The following SRP19 variants were observed in gnomAD, a reference collection of about 807,000 sequenced individuals.
The protein encoded by SRP19 is signal recognition particle 19 kDa protein.
A neutral mutation model predicts 22.4 loss-of-function variants in SRP19; 11 were observed. The observed-to-expected ratio is 0.49, with a 90% CI of 0.31 to 0.81. The LOEUF is 0.81. Ranked by LOEUF, SRP19 falls within the 40% of genes least tolerant of loss-of-function variation. The pLI is 0.05. For missense variants in SRP19, 168 were observed against 175.9 expected (o/e 0.96, Z 0.25); for synonymous variants, 61 against 57.6 (o/e 1.06, Z -0.27).
chr5:112,880,412 C>T lies in SRP19; in HGVS notation c.302-11191C>T, dbSNP rs139150470. 7.2e-3 allele frequency among the ~76,000 whole-genome samples: 1,091 copies of T among 152,272 alleles called. 3 individuals are homozygous for T. The highest frequency in any genetic ancestry group is 0.011 in the Non-Finnish European group (736 of 68,018). ...CTCCAGGGCCCACTGTGAGATTTTACAATCTGCAGCTGTTCTTGATGGAGC... is the reference window on the plus strand; with the variant it reads ...CTCCAGGGCCCACTGTGAGATTTTATAATCTGCAGCTGTTCTTGATGGAGC... On this transcript the variant is annotated intron_variant, in intron 4 of 4. Coordinates refer to the SRP19 transcript ENST00000391338.
At chr5:112,880,348 C>A (rs1173911770) in intron 4 of SRP19, among the ~76,000 whole-genome samples, 1 of 152,188 alleles carries the variant, frequency 6.6e-6, no homozygotes, top group Non-Finnish European at 1.5e-5. Flanking sequence ...AGAACCAGTA[C>A]AGTGTGTAAG....
exon 5 of SRP19, chr5:112,891,795 G>A (rs1768461923): frequency 6.2e-7 from 1 of 1,608,538 alleles, no homozygotes; most frequent in Non-Finnish European, 8.5e-7. Flanking sequence ...CACAGGAGGA[G>A]GAAGAGGACA....
At chr5:112,871,132 C>G (rs1468697923), downstream of SRP19, among the ~76,000 whole-genome samples, 1 of 152,064 alleles carries the variant, frequency 6.6e-6, no homozygotes, top group Non-Finnish European at 1.5e-5. Flanking sequence ...TTTTAAGATA[C>G]CCAGTCTGTG....
chr5:112,882,890 G>C lies in SRP19; in HGVS notation c.302-8713G>C, dbSNP rs545405810. 3.9e-5 allele frequency among the ~76,000 whole-genome samples: 6 copies of C among 152,244 alleles called. No individual in the cohort carries two copies. The East Asian group carries it at 1.2e-3, about 29-fold the overall frequency. The stretch of plus-strand genomic sequence containing the variant: ...TTTACTGAGAAATATGAAACAATTA[G>C]AAAGTCACTTCTGTAGGCTCCCATA... On this transcript the variant is annotated intron_variant, in intron 4 of 4. Coordinates refer to the SRP19 transcript ENST00000391338.
downstream of SRP19, among the ~76,000 whole-genome samples, chr5:112,870,910 C>T (rs1364007477): frequency 1.3e-5 from 2 of 152,136 alleles, no homozygotes; most frequent in Non-Finnish European, 2.9e-5. Context: ...TGGTGTGCAG[C>T]GGTGCGATCT....
chr5:112,884,786 C>G (rs533369725), intron 4 of SRP19, among the ~76,000 whole-genome samples: 71 of 151,772 alleles, frequency 4.7e-4, no homozygotes, highest in African/African-American at 1.6e-3. Context: ...TTGGCCCCCC[C>G]CCATCTTTCT....
intron 4 of SRP19, among the ~76,000 whole-genome samples, chr5:112,875,847 C>T (rs946497312): frequency 6.6e-6 from 1 of 151,686 alleles, no homozygotes; most frequent in Non-Finnish European, 1.5e-5. Context: ...GAGATCGAGA[C>T]CATCCTGGCT....
chr5:112,893,094 T>TAAAAAAAAGAAAAAAAA (rs1768546283), downstream of SRP19: 1 of 457,294 alleles, frequency 2.2e-6, no homozygotes, highest in Non-Finnish European at 3.4e-6. Context: ...GTTTTGTTCT[T>TAAAAAAAAGAAAAAAAA]AAAAAAAAAA....
intron 4 of SRP19, among the ~76,000 whole-genome samples, chr5:112,883,030 G>A (rs1194815430): frequency 6.6e-6 from 1 of 152,170 alleles, no homozygotes; most frequent in Admixed American, 6.5e-5. Context: ...GTCAAGGACA[G>A]AGCTCCAACA....
intron 1 of SRP19, chr5:112,862,287 AAAG>A: frequency 1.7e-6 from 1 of 589,988 alleles, no homozygotes; most frequent in Non-Finnish European, 3.0e-6. Flanking sequence ...GATCAATCAG[AAAG>A]AGGAGTAGGC....
At chr5:112,887,047 G>T in intron 4 of SRP19, 1 of 1,612,686 alleles carries the variant, frequency 6.2e-7, no homozygotes, top group Non-Finnish European at 8.5e-7. Context: ...AGTCTCTTTG[G>T]CCTTGTCTTT....
chr5:112,873,011 T>C (rs1016602473), downstream of SRP19, among the ~76,000 whole-genome samples: 4 of 152,068 alleles, frequency 2.6e-5, no homozygotes, highest in Non-Finnish European at 5.9e-5. Context: ...TGAAGGGAAG[T>C]TGTAGCCATT....
At chr5:112,891,889 G>T in exon 5 of SRP19, 2 of 1,372,122 alleles carry the variant, frequency 1.5e-6, no homozygotes, top group Non-Finnish European at 2.1e-6. Context: ...GTTGCTGAGG[G>T]AGCAGAAGGC....
At chr5:112,892,500 A>G (rs1286897390) in exon 5 of SRP19, 4 of 1,614,244 alleles carry the variant, frequency 2.5e-6, no homozygotes, top group Non-Finnish European at 3.4e-6. Context: ...AATGCCAAGC[A>G]GCCCTTTCTC....
chr5:112,892,851 G>T (rs1277656390), exon 5 of SRP19: 3 of 1,613,482 alleles, frequency 1.9e-6, no homozygotes, highest in Non-Finnish European at 1.7e-6. Flanking sequence ...AGAGAAAAAA[G>T]AGTAGTCATA....
intron 4 of SRP19, chr5:112,885,809 G>T: frequency 4.7e-6 from 1 of 214,540 alleles, no homozygotes; most frequent in Non-Finnish European, 9.9e-6. Flanking sequence ...AGCTAATGCG[G>T]TAGTGAAAAT....
At chr5:112,867,239 A>T in intron 4 of SRP19, 165 bp from the exon 5 acceptor site, 2 of 695,808 alleles carry the variant, frequency 2.9e-6, no homozygotes, top group East Asian at 2.8e-5. Flanking sequence ...ATTTCCCCCG[A>T]CTTGAGCTAG....
downstream of SRP19, among the ~76,000 whole-genome samples, chr5:112,873,688 C>G (rs1561642355): frequency 6.6e-6 from 1 of 152,054 alleles, no homozygotes; most frequent in African/African-American, 2.4e-5. Context: ...TGCATGTTCC[C>G]TTTTTCTAGC....
At chr5:112,892,209 C>A (rs780495653) in exon 5 of SRP19, 4 of 1,614,126 alleles carry the variant, frequency 2.5e-6, no homozygotes, top group African/African-American at 1.3e-5. Flanking sequence ...GATTTGGAGA[C>A]AGATGTTCAC....
Sources: gnomAD v4.1 joint callset for allele counts (sites outside exome capture counted in the v4.1 genomes callset) on GRCh38, gnomAD v4.1.1 for gene constraint, MANE v1.5 for transcripts, NCBI Gene and HGNC (gene_info 2026-07-23, HGNC 2026-07-21) for gene names.